The following PRKG1 variants were observed in gnomAD, a reference collection of about 807,000 sequenced individuals.
PRKG1 encodes protein kinase cGMP-dependent 1, also known as cGMP-dependent protein kinase 1.
Under a neutral mutation model 88.1 loss-of-function variants are expected in PRKG1, and 35 were observed. The ratio of observed to expected loss-of-function variants is 0.40; its 90% confidence interval spans 0.30 to 0.53. PRKG1 has a LOEUF of 0.53. PRKG1 is among the 20% of genes least tolerant of loss of function. The pLI, the probability that PRKG1 is intolerant of heterozygous loss-of-function variation, is 0.59. For synonymous variants in PRKG1, 303 were observed against 292.5 expected, an observed-to-expected ratio of 1.04 and a Z score of -0.37; for missense variants, 540 against 839.8, an observed-to-expected ratio of 0.64 and a Z score of 4.41.
chr10:51,819,551 G>A (rs1463441074), intron 4 of PRKG1, among the ~76,000 whole-genome samples: 1 of 152,170 alleles, frequency 6.6e-6, no homozygotes, highest in Non-Finnish European at 1.5e-5. Context: ...GGCTCATCGT[G>A]TCCTGCTGCC....
Position 51,162,501 on chromosome 10 carries a change from A to G in PRKG1, c.478+9171A>G, listed in dbSNP as rs552967149. On this transcript the variant is annotated intron_variant, in intron 2 of 17. Coordinates refer to ENST00000373980, the MANE Select transcript of PRKG1 (RefSeq NM_006258.4). ...ATTTAGAATTATGGTGGATGACGTAAAATGGTATTAAAATCAATCTGAGAA... is the reference window on the plus strand; with the variant it reads ...ATTTAGAATTATGGTGGATGACGTAGAATGGTATTAAAATCAATCTGAGAA... 3.3e-5 allele frequency among the ~76,000 whole-genome samples: 5 copies of G among 152,360 alleles called. No individual in the cohort carries two copies. The East Asian group carries it at 7.7e-4, about 23-fold the overall frequency.
chr10:51,235,461 T>C (rs1287664218), intron 2 of PRKG1, among the ~76,000 whole-genome samples: 1 of 152,218 alleles, frequency 6.6e-6, no homozygotes, highest in Non-Finnish European at 1.5e-5. Context: ...ATTGCCATTC[T>C]GCATATCATC....
intron 3 of PRKG1, among the ~76,000 whole-genome samples, chr10:51,609,480 A>G (rs1216118993): frequency 6.6e-6 from 1 of 152,232 alleles, no homozygotes; most frequent in Non-Finnish European, 1.5e-5. Flanking sequence ...CAGCAGTCCC[A>G]TTACTGGGTA....
intron 1 of PRKG1, among the ~76,000 whole-genome samples, chr10:51,138,670 G>GTT (rs1402122952): frequency 0.011 from 707 of 66,860 alleles, 15 homozygotes; most frequent in Non-Finnish European, 0.016. Context: ...TGGACATTGA[G>GTT]TTTTGTTTTT....
At chr10:51,283,832 C>A (rs1031824996) in intron 2 of PRKG1, among the ~76,000 whole-genome samples, 1 of 152,066 alleles carries the variant, frequency 6.6e-6, no homozygotes, top group Non-Finnish European at 1.5e-5. Flanking sequence ...ACTCTTGCAC[C>A]ATCCACTCGA....
chr10:51,477,529 T>G (rs774029730), intron 3 of PRKG1, among the ~76,000 whole-genome samples: 2 of 151,824 alleles, frequency 1.3e-5, no homozygotes, highest in Non-Finnish European at 2.9e-5. Context: ...CAATTTAATG[T>G]TCCTGGGCCT....
chr10:51,086,287 C>A (rs1844246017), intron 1 of PRKG1, among the ~76,000 whole-genome samples: 1 of 152,146 alleles, frequency 6.6e-6, no homozygotes, highest in South Asian at 2.1e-4. Flanking sequence ...CGTTGGTTTG[C>A]TGAAGGCATT....
chr10:51,636,272 C>T (rs1202836645), intron 3 of PRKG1, among the ~76,000 whole-genome samples: 2 of 152,158 alleles, frequency 1.3e-5, no homozygotes, highest in Non-Finnish European at 2.9e-5. Flanking sequence ...CTTTGGAAAT[C>T]TTGGCTTTGC....
At chr10:51,089,864 C>T (rs551001827) in intron 1 of PRKG1, among the ~76,000 whole-genome samples, 1 of 152,080 alleles carries the variant, frequency 6.6e-6, no homozygotes, top group Non-Finnish European at 1.5e-5. Flanking sequence ...ACTGTAAACC[C>T]AGTAGGTCAT....
At chr10:52,270,313 G>A (rs961332123) in intron 10 of PRKG1, among the ~76,000 whole-genome samples, 7 of 152,056 alleles carry the variant, frequency 4.6e-5, no homozygotes, top group African/African-American at 1.4e-4. Context: ...ACAGTGTGGC[G>A]ATTCCTCACA....
chr10:51,923,841 T>G (rs1393735874), intron 5 of PRKG1, among the ~76,000 whole-genome samples: 2 of 152,082 alleles, frequency 1.3e-5, no homozygotes, highest in South Asian at 4.1e-4. Flanking sequence ...AATGCTTTTT[T>G]TTTTTGAGAC....
At chr10:52,106,194 A>G (rs1352461914) in intron 7 of PRKG1, among the ~76,000 whole-genome samples, 1 of 152,190 alleles carries the variant, frequency 6.6e-6, no homozygotes, top group Non-Finnish European at 1.5e-5. Context: ...CAAGTACTTA[A>G]TGAAGGCCTT....
intron 2 of PRKG1, among the ~76,000 whole-genome samples, chr10:51,187,927 G>A (rs948461982): frequency 6.6e-6 from 1 of 152,020 alleles, no homozygotes; most frequent in Non-Finnish European, 1.5e-5. Context: ...TGAGACAAAA[G>A]TTACTCTGCT....
chr10:51,194,088 T>C (rs1296781086), intron 2 of PRKG1, among the ~76,000 whole-genome samples: 1 of 152,202 alleles, frequency 6.6e-6, no homozygotes, highest in African/African-American at 2.4e-5. Context: ...ATCTCTTAAC[T>C]ATGTTATCAC....
At chr10:51,727,049 G>T (rs1842149925) in intron 3 of PRKG1, among the ~76,000 whole-genome samples, 1 of 152,078 alleles carries the variant, frequency 6.6e-6, no homozygotes, top group Middle Eastern at 3.4e-3. Flanking sequence ...AAAGTGCTGG[G>T]ATTACAGGTA....
chr10:51,789,176 A>G (rs1027932186), intron 3 of PRKG1, among the ~76,000 whole-genome samples: 1 of 152,212 alleles, frequency 6.6e-6, no homozygotes, highest in African/African-American at 2.4e-5. Flanking sequence ...GGACTTACAG[A>G]TGTAATACTC....
chr10:51,613,792 C>G (rs1232595932), intron 3 of PRKG1, among the ~76,000 whole-genome samples: 3 of 151,704 alleles, frequency 2.0e-5, no homozygotes, highest in African/African-American at 7.3e-5. Flanking sequence ...TGTGTACTTT[C>G]CAAAGTGCAT....
intron 5 of PRKG1, among the ~76,000 whole-genome samples, chr10:51,931,582 T>A (rs1421926016): frequency 6.6e-6 from 1 of 152,204 alleles, no homozygotes; most frequent in Non-Finnish European, 1.5e-5. Flanking sequence ...AAGGTTCCCT[T>A]GTCTTTAGCT....
chr10:51,595,502 T>A lies in PRKG1; in HGVS notation c.592+127666T>A, dbSNP rs73341659. 4.7e-3 allele frequency among the ~76,000 whole-genome samples: 709 copies of A among 151,978 alleles called. 9 individuals carry two copies. Among genetic ancestry groups the A allele is most frequent in the African/African-American group, 0.016 (677 of 41,360 alleles). On this transcript the variant is annotated intron_variant, in intron 3 of 17. Coordinates refer to ENST00000373980, the MANE Select transcript of PRKG1 (RefSeq NM_006258.4). Reference sequence around the variant, plus strand: ...AAAATTAGTTGAACATGTTGGTGCATGCCTGTAATAGTAGCTACTTGAGAG... The same window carrying A: ...AAAATTAGTTGAACATGTTGGTGCAAGCCTGTAATAGTAGCTACTTGAGAG...
Sources: allele counts gnomAD v4.1 joint callset (sites outside exome capture counted in the v4.1 genomes callset), GRCh38; gene constraint gnomAD v4.1.1; transcripts MANE v1.5; gene names NCBI Gene and HGNC (gene_info 2026-07-23, HGNC 2026-07-21).